Variants in ACAD11 observed in about 807,000 individuals in gnomAD.
ACAD11 encodes the protein acyl-Coenzyme A dehydrogenase family, member 11.
A neutral mutation model predicts 102.2 loss-of-function variants in ACAD11; 83 were observed. The observed-to-expected ratio is 0.81, with a 90% CI of 0.68 to 0.97. The LOEUF (loss-of-function observed/expected upper bound fraction) is 0.97. Among genes scored for constraint, ACAD11 ranks in the 50% least tolerant of loss-of-function variants. The pLI, the probability that ACAD11 is intolerant of heterozygous loss-of-function variation, is 0.00. For missense variants in ACAD11, 901 were observed against 951.7 expected, an observed-to-expected ratio of 0.95 and a Z score of 0.70; for synonymous variants, 324 against 319.8, an observed-to-expected ratio of 1.01 and a Z score of -0.14.
chr3:132,575,516 A>G (rs1374300372), intron 17 of ACAD11, among the ~76,000 whole-genome samples: 1 of 152,180 alleles, frequency 6.6e-6, no homozygotes, highest in African/African-American at 2.4e-5. Flanking sequence ...TCTAAAGAAC[A>G]AGAATCTGAG....
intron 1 of ACAD11, among the ~76,000 whole-genome samples, chr3:132,653,926 C>T (rs1937644515): frequency 6.6e-6 from 1 of 152,148 alleles, no homozygotes; most frequent in African/African-American, 2.4e-5. Context: ...GTCGATGGCT[C>T]TCAAATTTAT....
intron 5 of ACAD11, among the ~76,000 whole-genome samples, chr3:132,632,413 C>T (rs1276336276): frequency 6.6e-6 from 1 of 152,126 alleles, no homozygotes; most frequent in African/African-American, 2.4e-5. Context: ...GTTCATTTGG[C>T]TGTACATATG....
intron 11 of ACAD11, among the ~76,000 whole-genome samples, chr3:132,614,999 C>A (rs1939346719): frequency 6.6e-6 from 1 of 152,126 alleles, no homozygotes; most frequent in African/African-American, 2.4e-5. Context: ...AGAACCCCAT[C>A]AAAAAGTGGG....
intron 1 of ACAD11, among the ~76,000 whole-genome samples, chr3:132,645,192 G>A (rs908258442): frequency 6.6e-6 from 1 of 152,194 alleles, no homozygotes; most frequent in Non-Finnish European, 1.5e-5. Flanking sequence ...ACTGATCTAA[G>A]TAAACTTGTA....
intron 11 of ACAD11, among the ~76,000 whole-genome samples, chr3:132,606,759 C>T (rs1938856668): frequency 6.6e-6 from 1 of 152,248 alleles, no homozygotes; most frequent in Non-Finnish European, 1.5e-5. Context: ...GCGGATCTCC[C>T]AGCACAGTGC....
rs565477304 is a variant in ACAD11, at chr3:132,620,832, A to G, written c.1198-1287T>C. 4.5e-4 allele frequency among the ~76,000 whole-genome samples: 68 copies of G among 152,328 alleles called. No homozygotes were observed. The Middle Eastern group carries it at 0.014, about 30-fold the overall frequency. On this transcript the variant is annotated intron_variant, in intron 9 of 19. Transcript: ENST00000264990. ...AATATGGGGGCCTAAGCTTTGTCCT[A>G]CTTCAATGAACCTGCACTTCTGTGT...
intron 13 of ACAD11, among the ~76,000 whole-genome samples, chr3:132,595,021 G>A (rs972911820): frequency 6.6e-6 from 1 of 152,166 alleles, no homozygotes; most frequent in Admixed American, 6.5e-5. Flanking sequence ...AATACAGGGT[G>A]AAAGACAAAT....
At chr3:132,616,881 G>C (rs1446455471) in intron 11 of ACAD11, among the ~76,000 whole-genome samples, 1 of 152,170 alleles carries the variant, frequency 6.6e-6, no homozygotes, top group African/African-American at 2.4e-5. Context: ...GTTTGGAAAA[G>C]AGATAATCAT....
rs1263195426 is a variant in ACAD11, at chr3:132,605,201, T to G, written c.1419A>C (p.Thr473=). The G allele has an allele frequency of 1.9e-6, 3 of 1,609,338 alleles. No individual in the cohort carries two copies. Among genetic ancestry groups the G allele is most frequent in the Admixed American group, 3.3e-5 (2 of 59,946 alleles). Residue 473 remains threonine, a synonymous_variant, in exon 12 of 20, where the codon ACA becomes ACC. Transcript: ENST00000264990. ...ACAGGTGCAGAACCTCCATATTCCC[T>G]GTGTCTACACATAAAGAAGGAGTAT... ...PDVFNCQAPD[T]GNMEVLHLYG...
chr3:132,634,011 T>C (rs1175062923), intron 5 of ACAD11, among the ~76,000 whole-genome samples: 1 of 151,878 alleles, frequency 6.6e-6, no homozygotes, highest in Non-Finnish European at 1.5e-5. Context: ...GGACTTCATG[T>C]CTAAAACACC....
At chr3:132,589,494 C>T (rs568770930) in intron 13 of ACAD11, among the ~76,000 whole-genome samples, 22 of 152,296 alleles carry the variant, frequency 1.4e-4, no homozygotes, top group African/African-American at 5.1e-4. Flanking sequence ...AATTTTTCAA[C>T]TGGATATTTT....
chr3:132,580,178 C>T (rs1031369408), intron 13 of ACAD11, among the ~76,000 whole-genome samples: 2 of 151,928 alleles, frequency 1.3e-5, no homozygotes, highest in African/African-American at 4.8e-5. Context: ...CACATCTGTA[C>T]AAAGTCTCAA....
intron 17 of ACAD11, among the ~76,000 whole-genome samples, chr3:132,569,015 A>C (rs992777163): frequency 3.2e-4 from 49 of 151,950 alleles, no homozygotes; most frequent in African/African-American, 1.1e-3. Flanking sequence ...AGTTCATTAA[A>C]ATTAAACACT....
At chr3:132,561,992 TG>T (rs1175884359) in intron 17 of ACAD11, among the ~76,000 whole-genome samples, 1 of 152,254 alleles carries the variant, frequency 6.6e-6, no homozygotes, top group African/African-American at 2.4e-5. Flanking sequence ...AATTGTTCTG[TG>T]TATTGACTGT....
intron 1 of ACAD11, among the ~76,000 whole-genome samples, chr3:132,649,201 A>C (rs554171972): frequency 6.6e-6 from 1 of 152,360 alleles, no homozygotes; most frequent in Non-Finnish European, 1.5e-5. Context: ...ACCGTCCCCC[A>C]GCCCGACACC....
chr3:132,576,910 C>T lies in ACAD11; in HGVS notation c.1846+34G>A, dbSNP rs1450485959. ...GATTTAGAGCTGAAATATTAATGTACAATACTGAAGAATCATTTCCAAATT... is the reference window on the plus strand; with the variant it reads ...GATTTAGAGCTGAAATATTAATGTATAATACTGAAGAATCATTTCCAAATT... On this transcript the variant is annotated intron_variant, in intron 16 of 19. Transcript: ENST00000264990. The T allele has an allele frequency of 4.9e-6, 7 of 1,430,340 alleles. No individual in the cohort carries two copies. In the Admixed American group the frequency reaches 1.0e-4, roughly 21 times the overall value. 88.6% of individuals were successfully genotyped at this position (1,430,340 alleles called of 1,614,324 possible).
At chr3:132,563,670 C>T (rs1433026067) in intron 17 of ACAD11, among the ~76,000 whole-genome samples, 1 of 152,124 alleles carries the variant, frequency 6.6e-6, no homozygotes, top group Non-Finnish European at 1.5e-5. Flanking sequence ...AGGGTTGTTT[C>T]GTTTTGTTTG....
chr3:132,601,691 T>C, intron 13 of ACAD11: 1 of 459,300 alleles, frequency 2.2e-6, no homozygotes, highest in South Asian at 2.1e-5. Context: ...CATAAGTGAA[T>C]AACACTCTGC....
At chr3:132,638,331 TA>T (rs1940350334) in intron 5 of ACAD11, among the ~76,000 whole-genome samples, 1 of 152,200 alleles carries the variant, frequency 6.6e-6, no homozygotes, top group South Asian at 2.1e-4. Flanking sequence ...GACTTCTCTG[TA>T]CTATAACACT....
Sources: gnomAD v4.1 joint callset for allele counts (sites outside exome capture counted in the v4.1 genomes callset) on GRCh38, gnomAD v4.1.1 for gene constraint, MANE v1.5 for transcripts, NCBI Gene and HGNC (gene_info 2026-07-23, HGNC 2026-07-21) for gene names.